Variants in GAREM1 observed in about 807,000 individuals in gnomAD.
The protein encoded by GAREM1 is GRB2 associated regulator of MAPK1 subtype 1.
In GAREM1, 26 loss-of-function variants were observed where a neutral mutation model predicts 71.3. The ratio of observed to expected loss-of-function variants is 0.36; its 90% CI spans 0.27 to 0.51. The LOEUF is 0.51. GAREM1 is among the 20% of genes least tolerant of loss of function. The pLI is 0.95. For synonymous variants in GAREM1, 440 were observed against 433.2 expected (o/e 1.02, Z -0.20); for missense variants, 1,026 against 1,103.1 (o/e 0.93, Z 0.99).
intron 1 of GAREM1, among the ~76,000 whole-genome samples, chr18:32,450,851 G>T (rs1444339615): frequency 6.6e-6 from 1 of 152,026 alleles, no homozygotes; most frequent in East Asian, 1.9e-4. Flanking sequence ...TAAGGGGCCA[G>T]GGCATGATTT....
At chr18:32,398,598 C>A (rs1382432353) in intron 1 of GAREM1, among the ~76,000 whole-genome samples, 1 of 152,022 alleles carries the variant, frequency 6.6e-6, no homozygotes, top group Non-Finnish European at 1.5e-5. Context: ...ACACATACAC[C>A]CTCCCAAGAC....
chr18:32,407,877 C>G (rs2048379336), intron 1 of GAREM1, among the ~76,000 whole-genome samples: 1 of 151,902 alleles, frequency 6.6e-6, no homozygotes, highest in Non-Finnish European at 1.5e-5. Flanking sequence ...GAAATTGACG[C>G]ACAGGAGCAT....
At chr18:32,402,278 T>C (rs2048322392) in intron 1 of GAREM1, among the ~76,000 whole-genome samples, 1 of 152,170 alleles carries the variant, frequency 6.6e-6, no homozygotes, top group South Asian at 2.1e-4. Flanking sequence ...ACATTTAACA[T>C]GCTTCTGGGA....
Position 32,287,416 on chromosome 18 carries a change from T to C in GAREM1, c.1181A>G (p.Asn394Ser). 1 of 1,614,172 alleles carries C rather than the reference T, an allele frequency of 6.2e-7. No individual in the cohort carries two copies. Among genetic ancestry groups the C allele is most frequent in the Non-Finnish European group, 8.5e-7 (1 of 1,180,010 alleles). The part of the protein sequence containing the change: ...HRLSVCVYGN[N>S]LHGNSEVNLH... ...GTTCACCTCACTGTTGCCATGGAGA[T>C]TGTTGCCATACACACAGACCGAGAG... Residue 394 changes from asparagine to serine, a missense_variant, in exon 4 of 6, where the codon AAT becomes AGT. Around this residue, in one of 3 missense-constraint regions of GAREM1, gnomAD observed 636 missense variants for 631.2 expected, o/e 1.01. Coordinates refer to ENST00000269209, the MANE Select transcript of GAREM1 (RefSeq NM_001242409.2). This position sits in a 1 kb window ranked among gnomAD's most constrained non-coding sequence, Gnocchi z 5.9.
chr18:32,448,125 C>T (rs1350552), intron 1 of GAREM1, among the ~76,000 whole-genome samples: 12,420 of 152,134 alleles, frequency 0.082, 622 homozygotes, highest in Middle Eastern at 0.27. Flanking sequence ...CAAAGAGACA[C>T]CTATCATTTA....
chr18:32,426,735 A>C (rs150466836), intron 1 of GAREM1, among the ~76,000 whole-genome samples: 46 of 152,336 alleles, frequency 3.0e-4, no homozygotes, highest in African/African-American at 1.0e-3. Context: ...GAAGGTTACA[A>C]AATTTATCAA....
Position 32,412,529 on chromosome 18 carries a change from G to A in GAREM1, c.122-19494C>T, listed in dbSNP as rs1269873272. 6.9e-6 allele frequency: 11 copies of A among 1,597,010 alleles called. No homozygotes were observed. The East Asian group carries it at 1.1e-4, about 16-fold the overall frequency. On this transcript the variant is annotated intron_variant, in intron 1 of 5. Coordinates refer to ENST00000269209, the MANE Select transcript of GAREM1 (RefSeq NM_001242409.2). ...GACCACTGAAGTTTCCTCCATGACCGAAGTTGTCATTCCCACCGAAACCAC... is the reference window on the plus strand; with the variant it reads ...GACCACTGAAGTTTCCTCCATGACCAAAGTTGTCATTCCCACCGAAACCAC...
chr18:32,382,800 C>T (rs748072240), intron 2 of GAREM1, among the ~76,000 whole-genome samples: 2 of 152,048 alleles, frequency 1.3e-5, no homozygotes, highest in Non-Finnish European at 2.9e-5. Flanking sequence ...AGAGGATCAA[C>T]AAGACTCGCT....
At chr18:32,315,685 C>G (rs985795722) in intron 2 of GAREM1, among the ~76,000 whole-genome samples, 20 of 151,826 alleles carry the variant, frequency 1.3e-4, no homozygotes, top group African/African-American at 4.8e-4. Flanking sequence ...TGGTGCAGGT[C>G]TAGAATATCT....
intron 2 of GAREM1, among the ~76,000 whole-genome samples, chr18:32,345,980 C>G (rs538501946): frequency 6.6e-6 from 1 of 152,042 alleles, no homozygotes; most frequent in East Asian, 1.9e-4. Context: ...AATAAAAAGA[C>G]GAGCTAAGGT....
chr18:32,470,202 G>C lies in GAREM1; in HGVS notation c.121+106C>G. The C allele has an allele frequency of 7.9e-7, 1 of 1,263,256 alleles. No homozygotes were observed. Among genetic ancestry groups the C allele is most frequent in the Non-Finnish European group, 1.0e-6 (1 of 995,118 alleles). The allele number at this position is 1,263,256 out of a possible 1,614,324, so 78.3% of individuals were successfully genotyped here. ...CGGGCCAACTCCGGCGCTCAGGGGC[G>C]GGCAGCCCACTCCCCGCGGGTCCCA... On this transcript the variant is annotated intron_variant, in intron 1 of 5. Transcript: ENST00000269209. This position sits in a 1 kb window ranked among gnomAD's most constrained non-coding sequence, Gnocchi z 4.4.
chr18:32,272,870 T>A (rs1464727628), intron 4 of GAREM1, among the ~76,000 whole-genome samples: 1 of 152,202 alleles, frequency 6.6e-6, no homozygotes, highest in Non-Finnish European at 1.5e-5. Flanking sequence ...TGATCCACCC[T>A]CCTTAGCCAG....
chr18:32,343,311 G>GTTTTTTTGTTTTTTTTTTTT (rs2047664721), intron 2 of GAREM1, among the ~76,000 whole-genome samples: 3 of 118,884 alleles, frequency 2.5e-5, no homozygotes, highest in African/African-American at 1.0e-4. Context: ...CTCCCCCACT[G>GTTTTTTTGTTTTTTTTTTTT]TTTTTTTTTT....
intron 1 of GAREM1, among the ~76,000 whole-genome samples, chr18:32,437,647 C>A (rs1008457301): frequency 6.6e-6 from 1 of 152,026 alleles, no homozygotes; most frequent in African/African-American, 2.4e-5. Flanking sequence ...CCGAGAAAGT[C>A]AAGGTGGTTC....
At chr18:32,374,059 C>T (rs1259237232) in intron 2 of GAREM1, among the ~76,000 whole-genome samples, 1 of 152,148 alleles carries the variant, frequency 6.6e-6, no homozygotes, top group Non-Finnish European at 1.5e-5. Context: ...GTTGAGTTCT[C>T]GGATGTGAAA....
intron 2 of GAREM1, among the ~76,000 whole-genome samples, chr18:32,315,351 T>C (rs1162277395): frequency 6.6e-6 from 1 of 150,918 alleles, no homozygotes; most frequent in Non-Finnish European, 1.5e-5. Context: ...AAAATTTAAA[T>C]AACATATTTT....
chr18:32,434,545 G>C (rs1254387464), intron 1 of GAREM1, among the ~76,000 whole-genome samples: 1 of 151,840 alleles, frequency 6.6e-6, no homozygotes, highest in Non-Finnish European at 1.5e-5. Flanking sequence ...GTTCCCTATG[G>C]CCAAAGCTAG....
At chr18:32,406,210 T>C (rs939528812) in intron 1 of GAREM1, among the ~76,000 whole-genome samples, 1 of 152,002 alleles carries the variant, frequency 6.6e-6, no homozygotes, top group African/African-American at 2.4e-5. Context: ...TTTTCTTTTT[T>C]GTAGAGACGG....
chr18:32,294,083 T>C (rs2047115376), intron 3 of GAREM1, among the ~76,000 whole-genome samples: 7 of 152,170 alleles, frequency 4.6e-5, no homozygotes, highest in Admixed American at 4.6e-4. Context: ...TGCAATAAAG[T>C]ACACTTTTGG....
Sources: gnomAD v4.1 joint callset for allele counts (sites outside exome capture counted in the v4.1 genomes callset) on GRCh38, gnomAD v4.1.1 for gene constraint, gnomAD v4.1.1 regional missense constraint, Gnocchi (gnomAD v3.1) non-coding constraint, MANE v1.5 for transcripts, NCBI Gene and HGNC (gene_info 2026-07-23, HGNC 2026-07-21) for gene names.